Variants in LRP1B observed in about 807,000 individuals in gnomAD.
The protein encoded by LRP1B is low-density lipoprotein receptor-related protein 1B.
LRP1B carries 217 observed loss-of-function variants against 556.6 expected under a neutral mutation model. That is an observed-to-expected ratio of 0.39 (90% CI 0.35 to 0.44). The LOEUF is 0.44. Among genes scored for constraint, LRP1B ranks in the 20% least tolerant of loss-of-function variants. The probability of loss-of-function intolerance (pLI) is 1.00; values close to 1 mark genes in which losing one functional copy is unlikely to be tolerated. For synonymous variants in LRP1B, 2,047 were observed against 1,865.8 expected, an observed-to-expected ratio of 1.10 and a Z score of -2.50; for missense variants, 5,053 against 5,620.8, an observed-to-expected ratio of 0.90 and a Z score of 3.23.
intron 1 of LRP1B, among the ~76,000 whole-genome samples, chr2:142,037,334 G>T (rs1238186133): frequency 6.6e-6 from 1 of 151,538 alleles, no homozygotes; most frequent in African/African-American, 2.4e-5. Context: ...AGAACACCAT[G>T]CACATTCTGC....
At chr2:141,469,210 C>T (rs6718919) in intron 3 of LRP1B, among the ~76,000 whole-genome samples, 66,892 of 151,998 alleles carry the variant, frequency 0.44, 15,027 homozygotes, top group Non-Finnish European at 0.49. Flanking sequence ...GTATAATATA[C>T]GTGCATATGT....
chr2:140,903,438 A>G (rs77721675), intron 22 of LRP1B, among the ~76,000 whole-genome samples: 7,902 of 152,168 alleles, frequency 0.052, 234 homozygotes, highest in East Asian at 0.1. Context: ...TTTGCCCCAC[A>G]GATGTAAAGT....
intron 45 of LRP1B, 69 bp downstream of exon 45, chr2:140,540,904 A>C: frequency 6.6e-7 from 1 of 1,517,560 alleles, no homozygotes. Flanking sequence ...ATACACTAAC[A>C]CAATTTCAGT....
rs373312531 is a variant in LRP1B at position 140,671,711 on chromosome 2, G to A, written c.6799+28539C>T. Among the ~76,000 whole-genome samples, 7 of 152,098 alleles carry A rather than the reference G, an allele frequency of 4.6e-5. No individual in the cohort carries two copies. In the East Asian group the frequency reaches 1.2e-3, roughly 25 times the overall value. On this transcript the variant is annotated intron_variant, in intron 41 of 90. Transcript: ENST00000389484. Reference sequence around the variant, plus strand: ...TATAAGGACTCTGTGATTAAGTTGGGCCCATTCAAATCATCTAGGATATTT... The same window carrying A: ...TATAAGGACTCTGTGATTAAGTTGGACCCATTCAAATCATCTAGGATATTT...
chr2:140,521,022 G>A (rs553559115), intron 49 of LRP1B, among the ~76,000 whole-genome samples: 16 of 151,756 alleles, frequency 1.1e-4, no homozygotes, highest in African/African-American at 1.9e-4. Context: ...TTTAGAAAAT[G>A]AACAAAGCTT....
chr2:141,357,201 G>A (rs911158274), intron 3 of LRP1B, among the ~76,000 whole-genome samples: 9 of 151,822 alleles, frequency 5.9e-5, no homozygotes, highest in Admixed American at 1.3e-4. Context: ...GACTACAGGC[G>A]TGCACCACCA....
At chr2:141,829,463 C>T (rs1697041987) in intron 1 of LRP1B, among the ~76,000 whole-genome samples, 1 of 152,088 alleles carries the variant, frequency 6.6e-6, no homozygotes, top group African/African-American at 2.4e-5. Flanking sequence ...TGTCTAGCAG[C>T]ATATTTTGTT....
chr2:141,699,703 T>G (rs1243587143), intron 2 of LRP1B, among the ~76,000 whole-genome samples: 2 of 151,344 alleles, frequency 1.3e-5, no homozygotes, highest in East Asian at 3.9e-4. Context: ...TGTGCAGTAT[T>G]TGGCATATAG....
rs572940836 is a variant in LRP1B, at chr2:141,476,212, G to T, written c.343+4184C>A. On this transcript the variant is annotated intron_variant, in intron 3 of 90. Coordinates refer to ENST00000389484, the MANE Select transcript of LRP1B (RefSeq NM_018557.3). ...AACTCTGTCGCACATTCTGGGAGGG[G>T]AGTCAGGGAACTCTCCTGTTTCATT... 1.3e-3 allele frequency among the ~76,000 whole-genome samples: 203 copies of T among 152,324 alleles called. 2 individuals carry two copies. The highest frequency in any genetic ancestry group is 4.7e-3 in the African/African-American group (196 of 41,584).
At chr2:141,346,601 G>A (rs145973489) in intron 3 of LRP1B, among the ~76,000 whole-genome samples, 229 of 152,204 alleles carry the variant, frequency 1.5e-3, no homozygotes, top group African/African-American at 5.0e-3. Flanking sequence ...TACCCTGAAC[G>A]AAACCTGTTT....
intron 5 of LRP1B, among the ~76,000 whole-genome samples, chr2:141,238,609 T>C (rs1683745125): frequency 6.6e-6 from 1 of 152,070 alleles, no homozygotes; most frequent in African/African-American, 2.4e-5. Flanking sequence ...ATAAAAAAGA[T>C]AATAAGCAAG....
intron 2 of LRP1B, among the ~76,000 whole-genome samples, chr2:141,536,633 T>C (rs1273035323): frequency 6.6e-6 from 1 of 151,994 alleles, no homozygotes; most frequent in African/African-American, 2.4e-5. Flanking sequence ...CTTTTCTAAA[T>C]AAATTGCAAA....
chr2:141,001,783 TGCGTGC>T (rs200957616), intron 15 of LRP1B, among the ~76,000 whole-genome samples: 32 of 152,304 alleles, frequency 2.1e-4, no homozygotes, highest in East Asian at 1.2e-3. Context: ...TGTGTGCGTG[TGCGTGC>T]GCACGCATAT....
intron 2 of LRP1B, among the ~76,000 whole-genome samples, chr2:141,761,359 C>CAAA (rs11355588): frequency 0.059 from 8,719 of 148,270 alleles, 767 homozygotes; most frequent in African/African-American, 0.19. Context: ...AATCCTAAGT[C>CAAA]AAAAAAAAAA....
intron 1 of LRP1B, among the ~76,000 whole-genome samples, chr2:142,088,517 C>T (rs1206832968): frequency 6.6e-6 from 1 of 152,232 alleles, no homozygotes; most frequent in East Asian, 1.9e-4. Context: ...TTAGACAATA[C>T]CTTAGCCATC....
chr2:140,767,201 C>G (rs1479584076), intron 35 of LRP1B, among the ~76,000 whole-genome samples: 1 of 151,890 alleles, frequency 6.6e-6, no homozygotes, highest in African/African-American at 2.4e-5. Context: ...TTCTGAGTAA[C>G]AGTAGGGATT....
intron 3 of LRP1B, among the ~76,000 whole-genome samples, chr2:141,379,255 A>G (rs370816425): frequency 2.6e-5 from 4 of 152,192 alleles, no homozygotes; most frequent in African/African-American, 7.2e-5. Context: ...CAGGAATTGC[A>G]TATCTGGCAA....
chr2:141,221,867 CT>C (rs1250403446), intron 6 of LRP1B, among the ~76,000 whole-genome samples: 1 of 152,182 alleles, frequency 6.6e-6, no homozygotes, highest in Non-Finnish European at 1.5e-5. Flanking sequence ...TCAAGAATTT[CT>C]TTGAAACCAA....
intron 84 of LRP1B, among the ~76,000 whole-genome samples, chr2:140,295,099 C>T (rs528703130): frequency 6.6e-6 from 1 of 151,688 alleles, no homozygotes; most frequent in African/African-American, 2.4e-5. Context: ...AGGATGGTCT[C>T]GACCTCCTGA....
Sources: gnomAD v4.1 joint callset for allele counts (sites outside exome capture counted in the v4.1 genomes callset) on GRCh38, gnomAD v4.1.1 for gene constraint, MANE v1.5 for transcripts, NCBI Gene and HGNC (gene_info 2026-07-23, HGNC 2026-07-21) for gene names.